PCDHA1: variants seen among roughly 807,000 people sequenced by gnomAD.
PCDHA1 encodes protocadherin alpha-1.
PCDHA1 carries 42 observed loss-of-function variants against 61.3 expected under a neutral mutation model. That is an observed-to-expected ratio of 0.69 (90% confidence interval 0.54 to 0.89). The LOEUF (loss-of-function observed/expected upper bound fraction) is 0.89, where lower values mean the gene tolerates loss of function less well. Among genes scored for constraint, PCDHA1 ranks in the 40% least tolerant of loss-of-function variants. PCDHA1 has a pLI of 0.00. For synonymous variants in PCDHA1, 610 were observed against 553.8 expected (o/e 1.10, Z -1.43); for missense variants, 1,256 against 1,235.3 (o/e 1.02, Z -0.25).
intron 1 of PCDHA1, among the ~76,000 whole-genome samples, chr5:140,819,622 T>C (rs1235501785): frequency 1.3e-5 from 2 of 152,096 alleles, no homozygotes; most frequent in Non-Finnish European, 1.5e-5. Context: ...GAAATTCAGA[T>C]TGGATAATCT....
intron 3 of PCDHA1, among the ~76,000 whole-genome samples, chr5:140,990,733 A>G (rs2097410113): frequency 6.6e-6 from 1 of 152,198 alleles, no homozygotes; most frequent in Admixed American, 6.5e-5. Flanking sequence ...GTATATCAAC[A>G]GCCCTAGGGT....
intron 1 of PCDHA1, among the ~76,000 whole-genome samples, chr5:140,833,741 C>T (rs1772605198): frequency 8.1e-6 from 1 of 122,760 alleles, no homozygotes; most frequent in African/African-American, 3.1e-5. Context: ...TTCTTGCCTC[C>T]TAAAAAGAAA....
At chr5:140,958,652 G>A (rs991773774) in intron 1 of PCDHA1, among the ~76,000 whole-genome samples, 15 of 152,030 alleles carry the variant, frequency 9.9e-5, no homozygotes, top group Admixed American at 2.6e-4. Flanking sequence ...ATCACAGAAA[G>A]CTATGATGAA....
At chr5:140,887,236 AC>A (rs1394086851) in intron 1 of PCDHA1, among the ~76,000 whole-genome samples, 1 of 151,804 alleles carries the variant, frequency 6.6e-6, no homozygotes, top group Non-Finnish European at 1.5e-5. Flanking sequence ...AGCTGAGACT[AC>A]CGGCGCCCGC....
At chr5:140,927,470 G>T in intron 1 of PCDHA1, 3 of 1,614,054 alleles carry the variant, frequency 1.9e-6, no homozygotes, top group South Asian at 2.2e-5. Flanking sequence ...GCACTGGATC[G>T]CGAACAGCGC....
At chr5:140,967,155 C>A (rs1554229255) in intron 1 of PCDHA1, 1 of 1,610,598 alleles carries the variant, frequency 6.2e-7, no homozygotes, top group Admixed American at 1.7e-5. Context: ...AACCCCGTGG[C>A]GGTGAGCGCC....
Position 140,813,822 on chromosome 5 carries a change from C to A in PCDHA1, c.2394+25138C>A, listed in dbSNP as rs1288499833. The A allele has an allele frequency of 2.6e-5, 4 of 152,006 alleles. No homozygotes were observed. In the East Asian group the frequency reaches 5.8e-4, roughly 22 times the overall value. 9.4% of individuals were successfully genotyped at this position (152,006 alleles called of 1,614,324 possible). On this transcript the variant is annotated intron_variant, in intron 1 of 3. Coordinates refer to ENST00000504120, the MANE Select transcript of PCDHA1 (RefSeq NM_018900.4). The stretch of plus-strand genomic sequence containing the variant: ...ACCAGCCTGGGCAATATAGTGAGAC[C>A]CTGTCTCTAGAAAATAATTTTTAAA...
chr5:140,843,105 G>A (rs2150352626), intron 1 of PCDHA1: 1 of 1,595,772 alleles, frequency 6.3e-7, no homozygotes, highest in South Asian at 1.1e-5. Flanking sequence ...GCGAAGGTGC[G>A]CGCAGTGGAC....
chr5:140,850,958 A>C (rs2150503998), intron 1 of PCDHA1: 1 of 1,481,832 alleles, frequency 6.7e-7, no homozygotes, highest in Admixed American at 2.4e-5. Context: ...GATTACTCCC[A>C]GGGGCCGTTC....
intron 1 of PCDHA1, chr5:140,927,767 A>G (rs2084615997): frequency 6.2e-7 from 1 of 1,614,176 alleles, no homozygotes. Context: ...AAAAGTGGGG[A>G]GGTGCAAGTA....
intron 1 of PCDHA1, chr5:140,802,796 C>T (rs370006878): frequency 6.8e-6 from 11 of 1,613,430 alleles, no homozygotes; most frequent in Admixed American, 1.7e-5. Flanking sequence ...TGCTGCAGTT[C>T]CAGGTGAGTG....
At chr5:140,883,379 C>G in intron 1 of PCDHA1, 1 of 1,614,182 alleles carries the variant, frequency 6.2e-7, no homozygotes, top group Non-Finnish European at 8.5e-7. Flanking sequence ...CATTATTGCC[C>G]TAATCAGTGT....
chr5:140,976,378 C>A (rs908008970), intron 1 of PCDHA1, among the ~76,000 whole-genome samples: 2 of 151,926 alleles, frequency 1.3e-5, no homozygotes, highest in Non-Finnish European at 2.9e-5. Flanking sequence ...TGGTGAAACC[C>A]CATCTCTACT....
intron 1 of PCDHA1, chr5:140,882,030 T>G (rs1582587950): frequency 3.3e-6 from 2 of 612,804 alleles, no homozygotes; most frequent in East Asian, 5.9e-5. Flanking sequence ...CAATGGAAAA[T>G]ATGAAGACTG....
At chr5:140,803,774 A>C (rs1277050704) in intron 1 of PCDHA1, 1 of 1,024,518 alleles carries the variant, frequency 9.8e-7, no homozygotes, top group Admixed American at 2.8e-5. Flanking sequence ...GAACCAAATC[A>C]GCAGTAAGTT....
In PCDHA1 at chr5:140,877,367, G is replaced by C. The variant is rs201967192; in HGVS notation, c.2394+88683G>C. On this transcript the variant is annotated intron_variant, in intron 1 of 3. Transcript: ENST00000504120. ...GTGGGGCTGTACACTGGCGAGATCA[G>C]CACGACACGCATCCTGGATGAGGCG... is the stretch of plus-strand genomic sequence containing the variant. 1.0e-4 allele frequency: 167 copies of C among 1,614,018 alleles called. No homozygotes were observed. The highest frequency in any genetic ancestry group is 4.9e-4 in the Middle Eastern group (3 of 6,062).
intron 1 of PCDHA1, chr5:140,808,624 G>A: frequency 6.2e-7 from 1 of 1,613,680 alleles, no homozygotes; most frequent in Non-Finnish European, 8.5e-7. Flanking sequence ...CTGTGTCTGC[G>A]TGGGACGCGG....
intron 3 of PCDHA1, among the ~76,000 whole-genome samples, chr5:140,999,702 T>A (rs78322991): frequency 6.6e-6 from 1 of 152,136 alleles, no homozygotes; most frequent in South Asian, 2.1e-4. Context: ...GATTTTTTTT[T>A]AGCTAACTAC....
At chr5:140,941,375 G>A (rs1441847516) in intron 1 of PCDHA1, among the ~76,000 whole-genome samples, 1 of 134,938 alleles carries the variant, frequency 7.4e-6, no homozygotes, top group Non-Finnish European at 1.5e-5. Context: ...GGAGTGTAGT[G>A]ACAGGATTTT....
Sources: gnomAD v4.1 joint callset for allele counts (sites outside exome capture counted in the v4.1 genomes callset) on GRCh38, gnomAD v4.1.1 for gene constraint, MANE v1.5 for transcripts, NCBI Gene and HGNC (gene_info 2026-07-23, HGNC 2026-07-21) for gene names.